Variants in ARL17B observed in about 807,000 individuals in gnomAD.
ARL17B encodes ADP-ribosylation factor-like protein 17.
intron 4 of ARL17B, chr17:46,294,088 GT>G (rs2143495377): frequency 1.3e-5 from 1 of 77,412 alleles, no homozygotes; most frequent in Admixed American, 1.5e-4. Flanking sequence ...GTTTCACCAT[GT>G]TGGTCAGGCT....
intron 4 of ARL17B, among the ~76,000 whole-genome samples, chr17:46,279,993 C>G (rs546765057): frequency 2.0e-5 from 3 of 152,194 alleles, no homozygotes; most frequent in Non-Finnish European, 4.4e-5. Context: ...GATTGCTTAC[C>G]GCACAGCCTG....
At chr17:46,332,266 C>T (rs1199852991), downstream of ARL17B, among the ~76,000 whole-genome samples, 8 of 53,446 alleles carry the variant, frequency 1.5e-4, no homozygotes, top group Admixed American at 3.9e-4. Flanking sequence ...CCAGCTTGGC[C>T]AACATAGTGA....
At chr17:46,357,300 G>A (rs2144329734) in intron 2 of ARL17B, among the ~76,000 whole-genome samples, 1 of 100,400 alleles carries the variant, frequency 1.0e-5, no homozygotes, top group Non-Finnish European at 1.9e-5. Flanking sequence ...TGGATCTAGA[G>A]GCAGTTCACA....
intron 4 of ARL17B, among the ~76,000 whole-genome samples, chr17:46,291,272 A>T (rs2050059078): frequency 6.6e-6 from 1 of 152,268 alleles, no homozygotes; most frequent in Admixed American, 6.5e-5. Context: ...CCCTTCAAGA[A>T]CATACAAGTG....
At chr17:46,324,884 G>A (rs1395330729) in intron 3 of ARL17B, among the ~76,000 whole-genome samples, 7 of 75,732 alleles carry the variant, frequency 9.2e-5, no homozygotes, top group African/African-American at 2.0e-4. Flanking sequence ...ATATGTATAT[G>A]TATGCCTGCA....
chr17:46,308,027 T>C lies in ARL17B; in HGVS notation c.260-8362A>G, dbSNP rs1360663166. 1.2e-4 allele frequency among the ~76,000 whole-genome samples: 9 copies of C among 72,430 alleles called. 4 individuals are homozygous for C. The highest frequency in any genetic ancestry group is 3.6e-4 in the Non-Finnish European group (9 of 24,842). 47.5% of individuals were successfully genotyped at this position (72,430 alleles called of 152,430 possible). A position where few individuals can be genotyped will look rare whatever the true frequency, so the allele number is the denominator to read the frequency against. On this transcript the variant is annotated intron_variant, in intron 3 of 4. Transcript: ENST00000434041. The stretch of plus-strand genomic sequence containing the variant: ...ACTCTGTCTCAAATAATAATAATAA[T>C]ATAATAATAATAATCATCATCATCA...
intron 3 of ARL17B, among the ~76,000 whole-genome samples, chr17:46,314,567 C>T (rs1172298838): frequency 2.6e-5 from 2 of 77,376 alleles, no homozygotes; most frequent in African/African-American, 6.6e-5. Context: ...AGATGATCCA[C>T]CTGCTTCAGC....
At chr17:46,311,224 C>A in intron 3 of ARL17B, 1 of 415,248 alleles carries the variant, frequency 2.4e-6, no homozygotes, top group Non-Finnish European at 4.7e-6. Context: ...GTGATGCAGT[C>A]CGAGGTCTTG....
intron 4 of ARL17B, among the ~76,000 whole-genome samples, chr17:46,276,790 C>CTT (rs75549659): frequency 3.7e-4 from 49 of 134,206 alleles, no homozygotes; most frequent in Non-Finnish European, 5.5e-4. Flanking sequence ...TTCTTTTTTT[C>CTT]TTTTTTTTTT....
In ARL17B at chr17:46,336,109, T is replaced by C. The variant is rs1424310000; in HGVS notation, c.*3391A>G. The stretch of plus-strand genomic sequence containing the variant: ...CCACCGGGTGTGAGAGAGAGGGCAC[T>C]TGTCTCCTTCAAGGCTGATGGAAGG... On this transcript the variant is annotated 3_prime_UTR_variant, in exon 4 of 4. Transcript: ENST00000450673. Among the ~76,000 whole-genome samples the C allele has an allele frequency of 0.052, 962 of 18,466 alleles. 379 individuals carry two copies. The highest frequency in any genetic ancestry group is 0.08 in the Admixed American group (70 of 874). 12.1% of individuals were successfully genotyped at this position (18,466 alleles called of 152,430 possible).
chr17:46,290,815 A>T (rs1351804415), intron 4 of ARL17B, among the ~76,000 whole-genome samples: 3 of 152,248 alleles, frequency 2.0e-5, no homozygotes, highest in Admixed American at 6.5e-5. Flanking sequence ...AGCCAAAAAC[A>T]AACAAAAAAC....
chr17:46,340,206 G>GT lies in ARL17B; in HGVS notation c.260-433dup, dbSNP rs1165673930. On this transcript the variant is annotated intron_variant, in intron 3 of 3. Coordinates refer to ENST00000450673, the MANE Select transcript of ARL17B (RefSeq NM_001039083.5). ...ACAGGGAAATTCAGGAGTTTTGTTT[G>GT]TTTTTTTTTCTTTTTTTTTTTCTTT... Among the ~76,000 whole-genome samples the GT allele has an allele frequency of 4.4e-4, 37 of 83,628 alleles. 3 individuals carry two copies. Among genetic ancestry groups the GT allele is most frequent in the Non-Finnish European group, 7.6e-4 (22 of 29,128 alleles). The allele number at this position is 83,628 out of a possible 152,430, so 54.9% of individuals were successfully genotyped here. A position where few individuals can be genotyped will look rare whatever the true frequency, so the allele number is the denominator to read the frequency against.
chr17:46,276,005 C>T (rs1252812176), intron 4 of ARL17B, among the ~76,000 whole-genome samples: 14 of 152,208 alleles, frequency 9.2e-5, no homozygotes, highest in African/African-American at 3.4e-4. Context: ...ATTCTCCTGC[C>T]TCAGCCTCCC....
intron 2 of ARL17B, among the ~76,000 whole-genome samples, chr17:46,354,650 TA>T (rs1168841386): frequency 1.3e-4 from 14 of 103,930 alleles, no homozygotes; most frequent in East Asian, 5.5e-4. Flanking sequence ...AATTAAAAAT[TA>T]AAAAAAAAAG....
At chr17:46,351,003 CTCT>C (rs1332330439) in intron 3 of ARL17B, among the ~76,000 whole-genome samples, 1 of 23,406 alleles carries the variant, frequency 4.3e-5, no homozygotes, top group African/African-American at 6.5e-5. Context: ...CTTTTTTTTT[CTCT>C]TTTTTTTTTT....
At chr17:46,282,417 G>GTT (rs34484022) in intron 4 of ARL17B, among the ~76,000 whole-genome samples, 11 of 144,482 alleles carry the variant, frequency 7.6e-5, no homozygotes, top group East Asian at 6.2e-4. Context: ...TTTTTTGTTT[G>GTT]TTTTTTTTTT....
chr17:46,279,165 A>G (rs1180457810), intron 4 of ARL17B, among the ~76,000 whole-genome samples: 1 of 151,782 alleles, frequency 6.6e-6, no homozygotes, highest in Non-Finnish European at 1.5e-5. Context: ...TCCTTTGCTA[A>G]TAAGGCATTC....
chr17:46,275,333 A>G (rs1450472143), exon 5 of ARL17B: 3 of 869,324 alleles, frequency 3.5e-6, no homozygotes, highest in Non-Finnish European at 5.2e-6. Context: ...AAAATAGTTC[A>G]GGCAACAAGA....
chr17:46,278,040 C>T (rs938281466), intron 4 of ARL17B, among the ~76,000 whole-genome samples: 19 of 151,882 alleles, frequency 1.3e-4, no homozygotes, highest in Middle Eastern at 3.4e-3. Context: ...CCGCCTCCCA[C>T]GTTCAAGTGA....
Sources: allele counts gnomAD v4.1 joint callset (sites outside exome capture counted in the v4.1 genomes callset), GRCh38; gene constraint gnomAD v4.1.1; transcripts MANE v1.5; gene names NCBI Gene and HGNC (gene_info 2026-07-23, HGNC 2026-07-21).